Variants in NCALD observed in about 807,000 individuals in gnomAD.
NCALD encodes neurocalcin-delta.
In NCALD, 10 loss-of-function variants were observed where a neutral mutation model predicts 18.6. That is an observed-to-expected ratio of 0.54 (90% CI 0.33 to 0.91). The LOEUF is 0.91. Among genes scored for constraint, NCALD ranks in the 40% least tolerant of loss-of-function variants. NCALD has a pLI of 0.03. For missense variants in NCALD, 184 were observed against 247.6 expected, an observed-to-expected ratio of 0.74 and a Z score of 1.72; for synonymous variants, 88 against 87.4, an observed-to-expected ratio of 1.01 and a Z score of -0.04.
chr8:101,789,370 G>C (rs1812363649), intron 1 of NCALD, among the ~76,000 whole-genome samples: 1 of 152,034 alleles, frequency 6.6e-6, no homozygotes, highest in Admixed American at 6.6e-5. Context: ...TTAGACTTTT[G>C]GAAAATCCTC....
chr8:101,977,901 T>C (rs1184900589), intron 2 of NCALD, among the ~76,000 whole-genome samples: 1 of 152,216 alleles, frequency 6.6e-6, no homozygotes, highest in Non-Finnish European at 1.5e-5. Context: ...TCTTCAATTA[T>C]TTAAAGGCTG....
chr8:101,756,871 C>T (rs1055026801), intron 1 of NCALD, among the ~76,000 whole-genome samples: 7 of 152,162 alleles, frequency 4.6e-5, no homozygotes, highest in Admixed American at 4.6e-4. Flanking sequence ...AATTGACTGA[C>T]TTTTTCACCT....
intron 2 of NCALD, among the ~76,000 whole-genome samples, chr8:101,969,493 A>C (rs1820157547): frequency 6.6e-6 from 1 of 152,158 alleles, no homozygotes; most frequent in Non-Finnish European, 1.5e-5. Context: ...ACTAGAAGAA[A>C]CTCTAAAAAA....
At chr8:101,901,380 G>A (rs536457526) in intron 3 of NCALD, among the ~76,000 whole-genome samples, 2 of 151,294 alleles carry the variant, frequency 1.3e-5, no homozygotes, top group Admixed American at 6.6e-5. Context: ...GATATACTTG[G>A]GCTAATATCT....
At chr8:101,717,643 T>C (rs1816148609) in intron 2 of NCALD, among the ~76,000 whole-genome samples, 1 of 152,186 alleles carries the variant, frequency 6.6e-6, no homozygotes, top group Admixed American at 6.5e-5. Context: ...GTGACTGCTC[T>C]GAAGCAAAGG....
In NCALD at chr8:102,068,781, C is replaced by T. The variant is rs544093217; in HGVS notation, c.-209-48492G>A. ...AAATGTCTAGCTCATAGTATTTGCT[C>T]AATAAATATTTGCACAACAGGATAC... On this transcript the variant is annotated intron_variant, in intron 1 of 6. Coordinates refer to the NCALD transcript ENST00000311028. 4.6e-5 allele frequency among the ~76,000 whole-genome samples: 7 copies of T among 152,248 alleles called. No individual in the cohort carries two copies. In the East Asian group the frequency reaches 1.4e-3, roughly 29 times the overall value.
chr8:101,744,446 A>G (rs907723858), intron 1 of NCALD, among the ~76,000 whole-genome samples: 2 of 152,252 alleles, frequency 1.3e-5, no homozygotes, highest in Non-Finnish European at 2.9e-5. Context: ...AGTCAAAGAA[A>G]CAGTTCCAAA....
intron 1 of NCALD, among the ~76,000 whole-genome samples, chr8:102,062,706 C>T (rs916409148): frequency 6.6e-6 from 1 of 152,242 alleles, no homozygotes; most frequent in Non-Finnish European, 1.5e-5. Flanking sequence ...ATAGGCTCTA[C>T]ATGTCTGTCA....
chr8:101,880,285 G>A (rs761929927), intron 4 of NCALD, among the ~76,000 whole-genome samples: 2 of 152,138 alleles, frequency 1.3e-5, no homozygotes, highest in Non-Finnish European at 2.9e-5. Context: ...CTGGCCAGCC[G>A]CTCGGAGTGC....
chr8:101,740,295 C>A (rs759518804), intron 1 of NCALD, among the ~76,000 whole-genome samples: 1 of 152,186 alleles, frequency 6.6e-6, no homozygotes, highest in Admixed American at 6.5e-5. Context: ...AAGGCCAGTC[C>A]CTTCTTGCAT....
chr8:101,934,782 T>C (rs1295802172), intron 2 of NCALD, among the ~76,000 whole-genome samples: 3 of 152,212 alleles, frequency 2.0e-5, no homozygotes, highest in Admixed American at 2.0e-4. Context: ...ATAAGAACCA[T>C]GCCTACTTGT....
At chr8:101,957,274 A>C (rs1302803395) in intron 2 of NCALD, among the ~76,000 whole-genome samples, 4 of 150,388 alleles carry the variant, frequency 2.7e-5, no homozygotes, top group African/African-American at 9.8e-5. Context: ...ATGGGTAGTA[A>C]AAAGAAAAGT....
At chr8:101,691,210 G>T in intron 3 of NCALD, 1 of 985,338 alleles carries the variant, frequency 1.0e-6, no homozygotes, top group Non-Finnish European at 1.2e-6. Context: ...TGACAGCTGT[G>T]AACTTACAGC....
rs753562030 is a variant in NCALD at position 101,700,284 on chromosome 8, G to A, written c.379-7388C>T. ...TCTCTATGTTGCCCAAGCTGGTCTC[G>A]AACTCCTGGGCTTCCTGCCTCAGTC... On this transcript the variant is annotated intron_variant, in intron 2 of 3. Coordinates refer to ENST00000220931, the MANE Select transcript of NCALD (RefSeq NM_032041.3). Among the ~76,000 whole-genome samples, 314 of 152,080 alleles carry A rather than the reference G, an allele frequency of 2.1e-3. 3 individuals are homozygous for A. In the Middle Eastern group the frequency reaches 0.027, roughly 13 times the overall value.
intron 4 of NCALD, among the ~76,000 whole-genome samples, chr8:101,839,364 G>C (rs1264529156): frequency 6.6e-6 from 1 of 152,148 alleles, no homozygotes; most frequent in African/African-American, 2.4e-5. Flanking sequence ...GGGGTGGCAG[G>C]AGAGGTGGAA....
In NCALD at chr8:101,892,972, A is replaced by G. The variant is rs1307173503; in HGVS notation, c.-106-5745T>C. ...TTATCCAGGAGAACTTCCCCAATCT[A>G]GCAAGGCAGGCCAACATTCAGATTC... On this transcript the variant is annotated intron_variant, in intron 3 of 6. Coordinates refer to the NCALD transcript ENST00000311028. Among the ~76,000 whole-genome samples the G allele has an allele frequency of 4.0e-5, 6 of 149,478 alleles. 1 individual carries two copies. Among genetic ancestry groups the G allele is most frequent in the African/African-American group, 1.5e-4 (6 of 39,132 alleles).
chr8:101,868,409 A>C (rs1164495052), intron 4 of NCALD, among the ~76,000 whole-genome samples: 3 of 152,174 alleles, frequency 2.0e-5, no homozygotes, highest in Admixed American at 1.3e-4. Flanking sequence ...AGGACACCTA[A>C]GGCTGATTCA....
chr8:101,865,829 T>TG (rs965015584), intron 4 of NCALD, among the ~76,000 whole-genome samples: 2 of 152,208 alleles, frequency 1.3e-5, no homozygotes, highest in Admixed American at 1.3e-4. Context: ...ATAACTGGTT[T>TG]GGGGAATATC....
Position 101,804,050 on chromosome 8 carries a change from C to G in NCALD, c.-20+83091G>C, listed in dbSNP as rs113003764. Among the ~76,000 whole-genome samples, 870 of 152,082 alleles carry G rather than the reference C, an allele frequency of 5.7e-3. 11 individuals carry two copies. The highest frequency in any genetic ancestry group is 0.018 in the African/African-American group (765 of 41,468). On this transcript the variant is annotated intron_variant, in intron 4 of 6. Transcript: ENST00000311028. ...TTCAGCAATCGCCAGCCTGATCAGT[C>G]AGCAGCCATCAATACTGGGGCAAGA...
Sources: gnomAD v4.1 joint callset for allele counts (sites outside exome capture counted in the v4.1 genomes callset) on GRCh38, gnomAD v4.1.1 for gene constraint, MANE v1.5 for transcripts, NCBI Gene and HGNC (gene_info 2026-07-23, HGNC 2026-07-21) for gene names.